SNTG2: variants seen among roughly 807,000 people sequenced by gnomAD.
The protein encoded by SNTG2 is gamma-2-syntrophin.
In SNTG2, 74 loss-of-function variants were observed where a neutral mutation model predicts 70.9. That is an observed-to-expected ratio of 1.04 (90% CI 0.86 to 1.27). The LOEUF is 1.27. Ranked by LOEUF, SNTG2 falls within the 50% of genes most tolerant of loss-of-function variation. SNTG2 has a pLI of 0.00. For synonymous variants in SNTG2, 278 were observed against 273.8 expected (o/e 1.02, Z -0.15); for missense variants, 717 against 690.7 (o/e 1.04, Z -0.43).
At chr2:1,328,398 A>G (rs1284796724) in intron 16 of SNTG2, among the ~76,000 whole-genome samples, 2 of 152,242 alleles carry the variant, frequency 1.3e-5, no homozygotes, top group African/African-American at 2.4e-5. Context: ...ATAGAGCTTT[A>G]CACCTGAGAA....
chr2:1,251,564 AACACACACCTCCCACAG>A (rs1677766474), intron 12 of SNTG2, among the ~76,000 whole-genome samples: 5 of 145,140 alleles, frequency 3.4e-5, no homozygotes, highest in Middle Eastern at 3.8e-3. Flanking sequence ...ATACAAATAG[AACACACACCTCCCACAG>A]GCACATACCA....
chr2:999,797 A>G (rs11696059), intron 1 of SNTG2, among the ~76,000 whole-genome samples: 4,936 of 152,092 alleles, frequency 0.032, 93 homozygotes, highest in South Asian at 0.066. Flanking sequence ...AACACATTGC[A>G]TTCTACTCAA....
Position 1,267,572 on chromosome 2 carries a change from G to A in SNTG2, c.1284+1G>A. The A allele has an allele frequency of 6.2e-7, 1 of 1,612,216 alleles. No homozygotes were observed. Among genetic ancestry groups the A allele is most frequent in the Non-Finnish European group, 8.5e-7 (1 of 1,179,756 alleles). On this transcript the variant is annotated splice_donor_variant, in intron 14 of 16. Transcript: ENST00000308624. LOFTEE classifies it high-confidence loss of function. The stretch of plus-strand genomic sequence containing the variant: ...GTTCATGGAAGTTCAGAGAACCGGG[G>A]TAAGTGAACAACTCACACTCTTCTC...
intron 14 of SNTG2, among the ~76,000 whole-genome samples, chr2:1,307,312 TTGTGTGTGTG>T (rs142934963): frequency 7.2e-6 from 1 of 139,850 alleles, no homozygotes; most frequent in Admixed American, 7.1e-5. Flanking sequence ...CAGCCCTGCA[TTGTGTGTGTG>T]TGTGTGTGTG....
At position 1,367,574 on chromosome 2, in the gene SNTG2, A is replaced by G; in HGVS notation, c.*100A>G. On this transcript the variant is annotated 3_prime_UTR_variant, in exon 17 of 17. Coordinates refer to ENST00000308624, the MANE Select transcript of SNTG2 (RefSeq NM_018968.4). ...CTTTGTGTTGTTTTATGATGAGCCT[A>G]TAGTTGTGATACCAATAAAACATGT... 7.4e-7 allele frequency: 1 copy of G among 1,359,894 alleles called. No individual in the cohort carries two copies. Among genetic ancestry groups the G allele is most frequent in the Non-Finnish European group, 9.9e-7 (1 of 1,006,880 alleles). The allele number at this position is 1,359,894 out of a possible 1,614,324, so 84.2% of individuals were successfully genotyped here. A position where few individuals can be genotyped will look rare whatever the true frequency, so the allele number is the denominator to read the frequency against.
intron 1 of SNTG2, among the ~76,000 whole-genome samples, chr2:954,484 C>CTTG (rs1450445852): frequency 6.6e-6 from 1 of 152,138 alleles, no homozygotes; most frequent in African/African-American, 2.4e-5. Flanking sequence ...CTGGTGTGTA[C>CTTG]TTGTCATTGT....
chr2:1,083,617 G>T lies in SNTG2; in HGVS notation c.172G>T (p.Asp58Tyr), dbSNP rs1457061501. The T allele has an allele frequency of 6.2e-7, 1 of 1,613,770 alleles. No homozygotes were observed. Among genetic ancestry groups the T allele is most frequent in the Admixed American group, 1.7e-5 (1 of 60,018 alleles). Residue 58 changes from aspartate (D) to tyrosine (Y), a missense_variant, in exon 2 of 17, where the codon GAT (aspartate) becomes TAT (tyrosine). Physicochemically the swap from Asp to Tyr is radical, Grantham distance 160. Transcript: ENST00000308624. ...TKEVLTIQKQ[D>Y]VVCVGGSHQG... ...AGAGGTGCTGACAATTCAGAAACAA[G>T]ATGTTGTCTGTGTGGGCGGAAGCCA...
intron 14 of SNTG2, among the ~76,000 whole-genome samples, chr2:1,270,088 C>T (rs2148188363): frequency 6.6e-6 from 1 of 152,282 alleles, no homozygotes; most frequent in East Asian, 1.9e-4. Context: ...CAAGACCTCT[C>T]AGGGCATTGA....
At chr2:1,122,158 G>A (rs1388590255) in intron 4 of SNTG2, among the ~76,000 whole-genome samples, 3 of 152,138 alleles carry the variant, frequency 2.0e-5, no homozygotes, top group Non-Finnish European at 2.9e-5. Context: ...TGGCTTCATG[G>A]CTGAATTATA....
intron 15 of SNTG2, among the ~76,000 whole-genome samples, chr2:1,312,031 C>T: frequency 6.6e-6 from 1 of 151,994 alleles, no homozygotes; most frequent in Admixed American, 6.6e-5. Context: ...TTCTGCTTGC[C>T]AGATAAAGAC....
chr2:1,149,593 C>G (rs757156909), intron 6 of SNTG2, among the ~76,000 whole-genome samples: 33 of 151,932 alleles, frequency 2.2e-4, no homozygotes, highest in Non-Finnish European at 4.0e-4. Flanking sequence ...TTGGAAAAAT[C>G]TATCCACCAT....
intron 9 of SNTG2, among the ~76,000 whole-genome samples, chr2:1,236,131 A>G (rs1350154707): frequency 6.6e-6 from 1 of 152,216 alleles, no homozygotes; most frequent in African/African-American, 2.4e-5. Context: ...AACATGAACA[A>G]ATGAGAAATG....
At chr2:1,057,932 C>A (rs1662570307) in intron 1 of SNTG2, among the ~76,000 whole-genome samples, 1 of 152,110 alleles carries the variant, frequency 6.6e-6, no homozygotes, top group Non-Finnish European at 1.5e-5. Flanking sequence ...CCCAGCTACT[C>A]AGGAGAATTG....
Position 1,149,705 on chromosome 2 carries a change from T to TCC in SNTG2, c.411+11897_411+11898insCC, listed in dbSNP as rs1558458449. Among the ~76,000 whole-genome samples, 35 of 4,348 alleles carry TCC rather than the reference T, an allele frequency of 8.0e-3. 2 individuals are homozygous for TCC. In the South Asian group the frequency reaches 0.19, roughly 23 times the overall value. 2.9% of individuals were successfully genotyped at this position (4,348 alleles called of 152,430 possible). ...TTTTTTTTTTTTTTTTTTTTTTTTTTCAAATGGAATCTGGCTCTGTTGCCC... is the reference window on the plus strand; with the variant it reads ...TTTTTTTTTTTTTTTTTTTTTTTTTTCCCAAATGGAATCTGGCTCTGTTGCCC... On this transcript the variant is annotated intron_variant, in intron 6 of 16. Transcript: ENST00000308624.
At chr2:1,235,613 G>T (rs1386577231) in intron 9 of SNTG2, among the ~76,000 whole-genome samples, 2 of 146,456 alleles carry the variant, frequency 1.4e-5, no homozygotes, top group Admixed American at 6.8e-5. Context: ...TGAGGTCCCT[G>T]CAGGCCCCAC....
At chr2:1,169,412 G>A (rs1276393216) in intron 7 of SNTG2, among the ~76,000 whole-genome samples, 1 of 152,124 alleles carries the variant, frequency 6.6e-6, no homozygotes, top group Admixed American at 6.5e-5. Context: ...GCTTCCCTGG[G>A]TGCCTTTGAA....
intron 9 of SNTG2, among the ~76,000 whole-genome samples, chr2:1,214,171 A>G (rs866519739): frequency 7.2e-5 from 11 of 152,168 alleles, no homozygotes; most frequent in Middle Eastern, 3.2e-3. Context: ...ATGTTTTGAA[A>G]TCAGGTAGTG....
At chr2:1,083,104 C>A (rs1460469153) in intron 1 of SNTG2, among the ~76,000 whole-genome samples, 2 of 151,896 alleles carry the variant, frequency 1.3e-5, no homozygotes, top group Non-Finnish European at 2.9e-5. Flanking sequence ...CTACTCCAGG[C>A]CAACAAACCT....
intron 8 of SNTG2, among the ~76,000 whole-genome samples, chr2:1,195,721 G>T (rs1167860422): frequency 1.3e-5 from 2 of 152,106 alleles, no homozygotes; most frequent in Non-Finnish European, 2.9e-5. Flanking sequence ...AAGCTCTTTA[G>T]TTTAATCAGA....
Sources: gnomAD v4.1 joint callset for allele counts (sites outside exome capture counted in the v4.1 genomes callset) on GRCh38, gnomAD v4.1.1 for gene constraint, MANE v1.5 for transcripts, NCBI Gene and HGNC (gene_info 2026-07-23, HGNC 2026-07-21) for gene names.